TYW1: variants seen among roughly 807,000 people sequenced by gnomAD.
TYW1 encodes S-adenosyl-L-methionine-dependent tRNA 4-demethylwyosine synthase TYW1.
Under a neutral mutation model 96.2 loss-of-function variants are expected in TYW1, and 46 were observed. The ratio of observed to expected loss-of-function variants is 0.48; its 90% CI spans 0.38 to 0.61. The LOEUF is 0.61. Among genes scored for constraint, TYW1 ranks in the 20% least tolerant of loss-of-function variants. TYW1 has a pLI of 0.00. For synonymous variants in TYW1, 274 were observed against 323.0 expected (o/e 0.85, Z 1.63); for missense variants, 684 against 909.6 (o/e 0.75, Z 3.19).
At chr7:67,196,090 C>T (rs1800384603) in intron 15 of TYW1, among the ~76,000 whole-genome samples, 1 of 151,472 alleles carries the variant, frequency 6.6e-6, no homozygotes, top group Non-Finnish European at 1.5e-5. Flanking sequence ...GTGCTTTTGT[C>T]TCTCCATCTC....
chr7:67,235,955 G>A (rs879523086), intron 15 of TYW1, among the ~76,000 whole-genome samples: 30 of 149,914 alleles, frequency 2.0e-4, no homozygotes, highest in Non-Finnish European at 4.2e-4. Context: ...CATGTCCTGG[G>A]TGATGGCATA....
intron 15 of TYW1, among the ~76,000 whole-genome samples, chr7:67,217,459 C>T (rs10253681): frequency 0.27 from 40,763 of 152,044 alleles, 5,829 homozygotes; most frequent in African/African-American, 0.36. Context: ...AGGGTCCAGC[C>T]TCATTGCTTT....
chr7:67,220,328 C>T (rs1343168538), intron 15 of TYW1, among the ~76,000 whole-genome samples: 27 of 151,540 alleles, frequency 1.8e-4, no homozygotes, highest in Middle Eastern at 6.8e-3. Flanking sequence ...CTCAGCCTCC[C>T]GAGTAGCTGG....
At chr7:67,206,410 C>A (rs958456329) in intron 15 of TYW1, among the ~76,000 whole-genome samples, 15 of 152,086 alleles carry the variant, frequency 9.9e-5, no homozygotes, top group Non-Finnish European at 1.5e-5. Context: ...GCAGGTGGAT[C>A]ACCTTAGGTC....
chr7:67,044,730 G>A (rs1795134846), intron 7 of TYW1, among the ~76,000 whole-genome samples: 1 of 151,594 alleles, frequency 6.6e-6, no homozygotes, highest in Non-Finnish European at 1.5e-5. Context: ...AGTGATTCTC[G>A]TGCCTCAGCC....
chr7:67,163,333 C>T (rs1437659747), intron 13 of TYW1, among the ~76,000 whole-genome samples: 2 of 152,076 alleles, frequency 1.3e-5, no homozygotes, highest in East Asian at 3.9e-4. Flanking sequence ...GCTTACAGTC[C>T]CTCTTTTTCA....
chr7:67,207,688 TTTTTTGGAGATGGAGTCATTTTGTTTGCC>T (rs1319739626), intron 15 of TYW1, among the ~76,000 whole-genome samples: 28 of 148,324 alleles, frequency 1.9e-4, no homozygotes, highest in South Asian at 4.3e-4. Context: ...TGCCTTTTTT[TTTTTTGGAGATGGAGTCATTTTGTTTGCC>T]TTTTTTTTTT....
chr7:67,230,820 A>G (rs1801731083), intron 15 of TYW1, among the ~76,000 whole-genome samples: 1 of 151,618 alleles, frequency 6.6e-6, no homozygotes, highest in Non-Finnish European at 1.5e-5. Context: ...TTGTATTTTT[A>G]GTAGAGGCGG....
At chr7:67,195,417 T>C (rs901803805) in intron 15 of TYW1, 80 bp downstream of exon 15, 11 of 1,595,692 alleles carry the variant, frequency 6.9e-6, no homozygotes, top group African/African-American at 2.7e-5. Flanking sequence ...ATTTTCCTCT[T>C]ACATTGTTAT....
chr7:67,030,625 T>C (rs1292082130), intron 7 of TYW1, among the ~76,000 whole-genome samples: 6 of 152,088 alleles, frequency 3.9e-5, no homozygotes, highest in Admixed American at 2.0e-4. Flanking sequence ...ATATTCTTTA[T>C]TGTGCCACAG....
intron 15 of TYW1, among the ~76,000 whole-genome samples, chr7:67,205,727 A>G (rs1800772327): frequency 1.3e-5 from 2 of 152,036 alleles, no homozygotes; most frequent in Admixed American, 1.3e-4. Flanking sequence ...GTTATTGTCT[A>G]AAAATTTTCT....
At chr7:67,184,658 G>T (rs1188400832) in intron 14 of TYW1, among the ~76,000 whole-genome samples, 9 of 47,906 alleles carry the variant, frequency 1.9e-4, no homozygotes, top group African/African-American at 5.1e-4. Flanking sequence ...TTTATGTTAT[G>T]TTATGTTATG....
intron 10 of TYW1, among the ~76,000 whole-genome samples, chr7:67,078,505 T>C (rs1796274109): frequency 6.6e-6 from 1 of 152,158 alleles, no homozygotes; most frequent in African/African-American, 2.4e-5. Context: ...TTTAGAATTG[T>C]TTTCTATTTC....
intron 13 of TYW1, among the ~76,000 whole-genome samples, chr7:67,122,951 T>C (rs1039159571): frequency 6.6e-6 from 1 of 152,200 alleles, no homozygotes; most frequent in Non-Finnish European, 1.5e-5. Flanking sequence ...ATTGGTGGCA[T>C]TGAGACTTTC....
intron 13 of TYW1, among the ~76,000 whole-genome samples, chr7:67,139,052 G>T (rs942241771): frequency 2.6e-5 from 4 of 151,906 alleles, no homozygotes; most frequent in African/African-American, 4.8e-5. Context: ...GTAGTTATTT[G>T]TGGATCTTTT....
At chr7:67,122,153 CT>C (rs1797778518) in intron 13 of TYW1, among the ~76,000 whole-genome samples, 1 of 150,878 alleles carries the variant, frequency 6.6e-6, no homozygotes, top group Non-Finnish European at 1.5e-5. Flanking sequence ...ATTCTTCTCT[CT>C]GTTTAAGTAA....
intron 13 of TYW1, among the ~76,000 whole-genome samples, chr7:67,146,013 A>C (rs938081941): frequency 1.3e-5 from 2 of 152,086 alleles, no homozygotes; most frequent in African/African-American, 4.8e-5. Context: ...CAATCTGCCC[A>C]CCTGGACTTC....
intron 15 of TYW1, among the ~76,000 whole-genome samples, chr7:67,199,307 C>T (rs1373517149): frequency 1.3e-5 from 2 of 152,260 alleles, no homozygotes; most frequent in Middle Eastern, 3.4e-3. Flanking sequence ...GTGTTGGCGA[C>T]GTGTCCTTTT....
chr7:67,148,864 A>G (rs1198972024), intron 13 of TYW1, among the ~76,000 whole-genome samples: 1 of 152,176 alleles, frequency 6.6e-6, no homozygotes, highest in African/African-American at 2.4e-5. Flanking sequence ...CATTGCTTTC[A>G]ATTTGTTTTT....
Sources: gnomAD v4.1 joint callset for allele counts (sites outside exome capture counted in the v4.1 genomes callset) on GRCh38, gnomAD v4.1.1 for gene constraint, MANE v1.5 for transcripts, NCBI Gene and HGNC (gene_info 2026-07-23, HGNC 2026-07-21) for gene names.